TBC1D2B: variants seen among roughly 807,000 people sequenced by gnomAD.
TBC1D2B encodes the protein TBC1 domain family member 2B.
Under a neutral mutation model 100.8 loss-of-function variants are expected in TBC1D2B, and 64 were observed. The observed-to-expected ratio is 0.64, with a 90% confidence interval of 0.52 to 0.78. The LOEUF (loss-of-function observed/expected upper bound fraction) is 0.78, where lower values mean the gene tolerates loss of function less well. Among genes scored for constraint, TBC1D2B ranks in the 30% least tolerant of loss-of-function variants. The pLI, the probability that TBC1D2B is intolerant of heterozygous loss-of-function variation, is 0.00. For synonymous variants in TBC1D2B, 480 were observed against 479.7 expected (o/e 1.00, Z -0.01); for missense variants, 1,052 against 1,218.4 (o/e 0.86, Z 2.03).
intron 1 of TBC1D2B, 52 bp downstream of exon 1, chr15:78,077,241 G>A (rs2073843881): frequency 1.4e-6 from 2 of 1,405,050 alleles, no homozygotes; most frequent in African/African-American, 1.5e-5. Context: ...AGTGGCGGAG[G>A]CAGGGGACGC....
In TBC1D2B at chr15:78,075,170, C is replaced by T. The variant is rs990682484; in HGVS notation, c.360+2123G>A. Among the ~76,000 whole-genome samples the T allele has an allele frequency of 1.3e-5, 2 of 152,056 alleles. 1 individual carries two copies. The highest frequency in any genetic ancestry group is 2.9e-5 in the Non-Finnish European group (2 of 68,026). On this transcript the variant is annotated intron_variant, in intron 1 of 12. Transcript: ENST00000300584. ...ACACTTCTGACAATGCGCCTTGTAA[C>T]CCTGCTTATGTAGATTCTTATTTAT...
intron 2 of TBC1D2B, among the ~76,000 whole-genome samples, chr15:78,048,474 T>C (rs1011984179): frequency 6.6e-6 from 1 of 152,338 alleles, no homozygotes; most frequent in Non-Finnish European, 1.5e-5. Context: ...GGACTAGTGT[T>C]CATGAACATG....
intron 3 of TBC1D2B, chr15:78,034,542 A>C: frequency 2.0e-6 from 2 of 985,416 alleles, no homozygotes; most frequent in South Asian, 9.4e-5. Flanking sequence ...AGGAAAGAGA[A>C]ATAAGAGCAG....
rs555841743 is a variant in TBC1D2B at position 78,052,064 on chromosome 15, C to G, written c.514+1970G>C. On this transcript the variant is annotated intron_variant, in intron 2 of 12. Coordinates refer to ENST00000300584, the MANE Select transcript of TBC1D2B (RefSeq NM_144572.2). ...AGTCCAAAATCCCAAGACCAGCAGT[C>G]TAGGCTCTCCCCCAGCTCTGGCTCT... Among the ~76,000 whole-genome samples, 4 of 152,332 alleles carry G rather than the reference C, an allele frequency of 2.6e-5. No homozygotes were observed. In the South Asian group the frequency reaches 8.3e-4, roughly 32 times the overall value.
rs778015598 is a variant in TBC1D2B, at chr15:78,001,588, C to G, written c.2696+31G>C. On this transcript the variant is annotated intron_variant, in intron 12 of 12. Coordinates refer to ENST00000300584, the MANE Select transcript of TBC1D2B (RefSeq NM_144572.2). ...AGGCAGGGGTCAGGCTTCCTGCTCTCCTTGACATCTGAGAACTCCCCAGGA... is the reference window on the plus strand; with the variant it reads ...AGGCAGGGGTCAGGCTTCCTGCTCTGCTTGACATCTGAGAACTCCCCAGGA... 3.8e-6 allele frequency: 6 copies of G among 1,591,212 alleles called. No homozygotes were observed. In the South Asian group the frequency reaches 5.7e-5, roughly 15 times the overall value.
intron 1 of TBC1D2B, among the ~76,000 whole-genome samples, chr15:78,074,003 G>T (rs1007473094): frequency 2.6e-5 from 4 of 151,582 alleles, no homozygotes; most frequent in African/African-American, 7.3e-5. Context: ...TAGAGTCGGG[G>T]TGTTTTTTGC....
At position 78,030,155 on chromosome 15, in the gene TBC1D2B, A is replaced by C; in HGVS notation, c.699T>G (p.Ser233=). The part of the protein sequence containing the change: ...WGNELKNSMS[S]FRPGRGHNDS... ...CATTATGTCCTCTCCCAGGACGGAA[A>C]GAAGACATCGAATTCCTGTTGGGAA... Residue 233 remains serine (S), a synonymous_variant, in exon 4 of 13, where the codon TCT becomes TCG. Transcript: ENST00000300584. 1 of 1,606,754 alleles carries C rather than the reference A, an allele frequency of 6.2e-7. No individual in the cohort carries two copies. The highest frequency in any genetic ancestry group is 8.5e-7 in the Non-Finnish European group (1 of 1,177,898).
chr15:78,044,255 G>A (rs144019333), intron 3 of TBC1D2B, among the ~76,000 whole-genome samples: 2 of 152,256 alleles, frequency 1.3e-5, no homozygotes, highest in African/African-American at 4.8e-5. Flanking sequence ...CATTTTAAAT[G>A]GGTGAATTGT....
intron 2 of TBC1D2B, among the ~76,000 whole-genome samples, chr15:78,050,918 A>C (rs1221923401): frequency 1.3e-5 from 2 of 152,240 alleles, no homozygotes; most frequent in African/African-American, 2.4e-5. Flanking sequence ...GCTCAGCTAA[A>C]ATACTTGGCT....
chr15:78,006,525 T>C (rs1195272919), intron 10 of TBC1D2B, among the ~76,000 whole-genome samples: 1 of 152,244 alleles, frequency 6.6e-6, no homozygotes, highest in Non-Finnish European at 1.5e-5. Context: ...GCCCACCCTC[T>C]GGGAAGGTGA....
intron 7 of TBC1D2B, 72 bp downstream of exon 7, chr15:78,017,775 A>G: frequency 1.0e-6 from 1 of 998,496 alleles, no homozygotes; most frequent in Non-Finnish European, 1.5e-6. Flanking sequence ...CGCTTTGTAA[A>G]GCATGCTTAT....
rs2141601585 is a variant in TBC1D2B, at chr15:77,996,931, CCT to C, written c.*1227_*1228del. 6.6e-6 allele frequency: 1 copy of C among 152,340 alleles called. No individual in the cohort carries two copies. The highest frequency in any genetic ancestry group is 2.1e-4 in the South Asian group (1 of 4,822). The allele number at this position is 152,340 out of a possible 1,614,324, so 9.4% of individuals were successfully genotyped here. On this transcript the variant is annotated 3_prime_UTR_variant, in exon 13 of 13. Transcript: ENST00000300584. The stretch of plus-strand genomic sequence containing the variant: ...GCAAAAACAAGCTCCTTGCTCAAAG[CCT>C]CTCCCCAGCCTTCAGAAAGGCAGTC...
At chr15:78,027,621 C>T (rs568096364) in intron 4 of TBC1D2B, among the ~76,000 whole-genome samples, 5 of 152,284 alleles carry the variant, frequency 3.3e-5, no homozygotes, top group African/African-American at 9.6e-5. Context: ...GGCTGTCATC[C>T]GTCAAGAAAA....
rs1178123646 is a variant in TBC1D2B at position 77,995,155 on chromosome 15, T to TGGA, written c.*3004_*3005insTCC. On this transcript the variant is annotated 3_prime_UTR_variant, in exon 13 of 13. Transcript: ENST00000300584. ...GACGTTCAGTGGCACACAGTGGGTC[T>TGGA]CTGTATGGCCTCCCACCTGCAAGGA... The TGGA allele has an allele frequency of 6.6e-6, 1 of 152,138 alleles. No individual in the cohort carries two copies. Among genetic ancestry groups the TGGA allele is most frequent in the East Asian group, 1.9e-4 (1 of 5,182 alleles). The allele number at this position is 152,138 out of a possible 1,614,324, so 9.4% of individuals were successfully genotyped here. A position where few individuals can be genotyped will look rare whatever the true frequency, so the allele number is the denominator to read the frequency against.
chr15:78,054,194 A>G lies in TBC1D2B; in HGVS notation c.361-7T>C. ...TGAGTTGACGATTGGGAGCCTAGAA[A>G]GAGGGAGGGGAAAAACATGTTATGG... On this transcript the variant is annotated splice_region_variant and splice_polypyrimidine_tract_variant and intron_variant, in intron 1 of 12. Coordinates refer to ENST00000300584, the MANE Select transcript of TBC1D2B (RefSeq NM_144572.2). 1 of 1,609,648 alleles carries G rather than the reference A, an allele frequency of 6.2e-7. No individual in the cohort carries two copies.
intron 12 of TBC1D2B, 119 bp downstream of exon 12, chr15:78,001,500 C>A: frequency 7.7e-7 from 1 of 1,307,188 alleles, no homozygotes. Context: ...AATGCCCTCT[C>A]CAACACTGTA....
intron 3 of TBC1D2B, among the ~76,000 whole-genome samples, chr15:78,039,979 C>T (rs1472054368): frequency 1.3e-5 from 2 of 152,212 alleles, no homozygotes; most frequent in Non-Finnish European, 2.9e-5. Flanking sequence ...GCCTAGCACC[C>T]AGAGATGGGC....
chr15:77,999,232 G>A, intron 12 of TBC1D2B: 1 of 448,606 alleles, frequency 2.2e-6, no homozygotes, highest in Non-Finnish European at 4.5e-6. Flanking sequence ...ACCAGCCCCA[G>A]GAAAAGCTGT....
At chr15:78,068,231 A>C (rs1358734840) in intron 1 of TBC1D2B, among the ~76,000 whole-genome samples, 1 of 152,146 alleles carries the variant, frequency 6.6e-6, no homozygotes, top group Non-Finnish European at 1.5e-5. Context: ...AGTTAACACT[A>C]CAGTTTCTTA....
Sources: gnomAD v4.1 joint callset for allele counts (sites outside exome capture counted in the v4.1 genomes callset) on GRCh38, gnomAD v4.1.1 for gene constraint, MANE v1.5 for transcripts, NCBI Gene and HGNC (gene_info 2026-07-23, HGNC 2026-07-21) for gene names.